DLG2: variants seen among roughly 807,000 people sequenced by gnomAD.
DLG2 encodes the protein disks large homolog 2.
DLG2 carries 45 observed loss-of-function variants against 132.5 expected under a neutral mutation model. The ratio of observed to expected loss-of-function variants is 0.34; its 90% CI spans 0.27 to 0.44. The LOEUF (loss-of-function observed/expected upper bound fraction) is 0.44. Among genes scored for constraint, DLG2 ranks in the 20% least tolerant of loss-of-function variants. The probability of loss-of-function intolerance (pLI) is 1.00; values close to 1 mark genes in which losing one functional copy is unlikely to be tolerated. For missense variants in DLG2, 1,045 were observed against 1,196.9 expected, an observed-to-expected ratio of 0.87 and a Z score of 1.87; for synonymous variants, 424 against 419.6, an observed-to-expected ratio of 1.01 and a Z score of -0.13.
chr11:85,082,980 G>A (rs2067442467), intron 6 of DLG2, among the ~76,000 whole-genome samples: 1 of 152,144 alleles, frequency 6.6e-6, no homozygotes, highest in East Asian at 1.9e-4. Flanking sequence ...AAATTTTCAA[G>A]ATAAAACCTC....
At chr11:84,576,772 A>G (rs532892856) in intron 6 of DLG2, among the ~76,000 whole-genome samples, 1 of 152,302 alleles carries the variant, frequency 6.6e-6, no homozygotes, top group South Asian at 2.1e-4. Context: ...CAAAGAATCT[A>G]TGTGGATTTT....
At chr11:84,283,452 A>G (rs1447602427) in intron 7 of DLG2, among the ~76,000 whole-genome samples, 20 of 152,228 alleles carry the variant, frequency 1.3e-4, no homozygotes. Context: ...CACTATTATT[A>G]GTGTTTATGA....
chr11:83,910,797 C>A (rs1159927096), intron 15 of DLG2, among the ~76,000 whole-genome samples: 1 of 152,132 alleles, frequency 6.6e-6, no homozygotes, highest in South Asian at 2.1e-4. Flanking sequence ...CTTCATGCCC[C>A]GACAGCTATC....
intron 18 of DLG2, among the ~76,000 whole-genome samples, chr11:83,694,235 T>C (rs1420529433): frequency 2.0e-5 from 3 of 152,178 alleles, no homozygotes; most frequent in Non-Finnish European, 4.4e-5. Context: ...GCAAGGTAAA[T>C]GGCTCTTCTG....
intron 6 of DLG2, among the ~76,000 whole-genome samples, chr11:84,739,483 T>C (rs779487156): frequency 6.6e-6 from 1 of 152,182 alleles, no homozygotes; most frequent in Non-Finnish European, 1.5e-5. Flanking sequence ...ACAACTACTG[T>C]GTTCACTCCT....
intron 7 of DLG2, among the ~76,000 whole-genome samples, chr11:84,350,761 C>G (rs1304424577): frequency 6.6e-6 from 1 of 152,088 alleles, no homozygotes; most frequent in African/African-American, 2.4e-5. Context: ...ATCTATTATT[C>G]CTTTTCACTT....
At chr11:85,386,914 G>C (rs3018571) in intron 3 of DLG2, among the ~76,000 whole-genome samples, 2 of 141,528 alleles carry the variant, frequency 1.4e-5, no homozygotes, top group South Asian at 2.2e-4. Context: ...TTTTTTTTTA[G>C]ATGGAGTTTT....
chr11:85,124,433 C>G (rs574592909), intron 5 of DLG2, among the ~76,000 whole-genome samples: 2 of 152,300 alleles, frequency 1.3e-5, no homozygotes, highest in East Asian at 3.9e-4. Context: ...GTACTTCGTA[C>G]TTTTCAAATA....
At chr11:84,088,027 C>T (rs1450135193) in intron 10 of DLG2, among the ~76,000 whole-genome samples, 1 of 152,138 alleles carries the variant, frequency 6.6e-6, no homozygotes, top group African/African-American at 2.4e-5. Flanking sequence ...ATTCCGGATA[C>T]AAGTCGTTTA....
At chr11:84,550,301 C>T (rs962764946) in intron 6 of DLG2, among the ~76,000 whole-genome samples, 1 of 152,108 alleles carries the variant, frequency 6.6e-6, no homozygotes, top group African/African-American at 2.4e-5. Context: ...GCTGCTAAGG[C>T]CTTGCTGCCA....
In DLG2 at chr11:85,191,162, GCACACA is replaced by G. The variant is rs3067460; in HGVS notation, c.187-36517_187-36512del. ...TATGCATGCGCGCGCGCGCACGCGC[GCACACA>G]CACACACACACACACACACACACAC... On this transcript the variant is annotated intron_variant, in intron 4 of 27. Transcript: ENST00000376104. 5.2e-3 allele frequency among the ~76,000 whole-genome samples: 729 copies of G among 139,912 alleles called. 3 individuals carry two copies. Among genetic ancestry groups the G allele is most frequent in the Middle Eastern group, 0.011 (3 of 264 alleles). 91.8% of individuals were successfully genotyped at this position (139,912 alleles called of 152,430 possible).
At chr11:85,604,400 C>T (rs2080379243) in intron 2 of DLG2, among the ~76,000 whole-genome samples, 1 of 152,050 alleles carries the variant, frequency 6.6e-6, no homozygotes, top group African/African-American at 2.4e-5. Flanking sequence ...CTAAAAATGA[C>T]AAATTAAACA....
intron 6 of DLG2, among the ~76,000 whole-genome samples, chr11:85,085,049 A>AAT (rs1298703577): frequency 6.6e-6 from 1 of 152,174 alleles, no homozygotes; most frequent in Admixed American, 6.5e-5. Flanking sequence ...CTCCAAAGGA[A>AAT]ATTTTGATTC....
chr11:84,266,659 C>T (rs571318429), intron 7 of DLG2, among the ~76,000 whole-genome samples: 1 of 152,312 alleles, frequency 6.6e-6, no homozygotes, highest in African/African-American at 2.4e-5. Context: ...GACTGAAAGT[C>T]ATCACTGAAC....
intron 19 of DLG2, among the ~76,000 whole-genome samples, chr11:83,552,332 T>C (rs1593023692): frequency 6.6e-6 from 1 of 151,548 alleles, no homozygotes; most frequent in African/African-American, 2.4e-5. Flanking sequence ...TTGAAGGAGG[T>C]GAGGGAGTTA....
intron 7 of DLG2, among the ~76,000 whole-genome samples, chr11:84,480,760 T>C (rs1602975654): frequency 1.3e-5 from 2 of 149,622 alleles, no homozygotes; most frequent in South Asian, 2.1e-4. Context: ...GGTTTTCTTT[T>C]TTTTTTTTTT....
At chr11:83,550,820 C>A (rs1266916466) in intron 19 of DLG2, among the ~76,000 whole-genome samples, 1 of 152,006 alleles carries the variant, frequency 6.6e-6, no homozygotes, top group East Asian at 1.9e-4. Flanking sequence ...CTGACACAGC[C>A]CTGATTACAG....
chr11:83,930,397 T>C lies in DLG2; in HGVS notation c.1427A>G (p.Lys476Arg), dbSNP rs1565685918. Residue 476 changes from lysine to arginine, a missense_variant, in exon 15 of 28, where the codon AAA (lysine) becomes AGA (arginine). Coordinates refer to ENST00000376104, the MANE Select transcript of DLG2 (RefSeq NM_001142699.3). The stretch of plus-strand genomic sequence containing the variant: ...ATAGGGAGCTGAGAGGAGGAAGCTT[T>C]TGTCACACTCAACAGGGGAATAGTG... ...PRHYSPVECD[K>R]SFLLSAPYSH... The C allele has an allele frequency of 6.2e-7, 1 of 1,614,064 alleles. No individual in the cohort carries two copies. The highest frequency in any genetic ancestry group is 2.2e-5 in the East Asian group (1 of 44,874).
intron 16 of DLG2, among the ~76,000 whole-genome samples, chr11:83,844,355 G>C (rs952027869): frequency 1.4e-5 from 2 of 147,956 alleles, no homozygotes; most frequent in African/African-American, 2.5e-5. Flanking sequence ...GACCAGCCTG[G>C]CTAACATGGT....
Sources: gnomAD v4.1 joint callset for allele counts (sites outside exome capture counted in the v4.1 genomes callset) on GRCh38, gnomAD v4.1.1 for gene constraint, MANE v1.5 for transcripts, NCBI Gene and HGNC (gene_info 2026-07-23, HGNC 2026-07-21) for gene names.